Variants in CHST9 observed in about 807,000 individuals in gnomAD.
CHST9 encodes carbohydrate sulfotransferase 9.
Under a neutral mutation model 44.4 loss-of-function variants are expected in CHST9, and 41 were observed. The observed-to-expected ratio is 0.92, with a 90% CI of 0.72 to 1.20. The LOEUF (loss-of-function observed/expected upper bound fraction) is 1.20, where lower values mean the gene tolerates loss of function less well. Ranked by LOEUF, CHST9 falls within the 50% of genes most tolerant of loss-of-function variation. The pLI is 0.00. For missense variants in CHST9, 504 were observed against 516.5 expected (o/e 0.98, Z 0.23); for synonymous variants, 171 against 178.4 (o/e 0.96, Z 0.33).
chr18:27,125,332 T>C (rs1206935935), intron 2 of CHST9, among the ~76,000 whole-genome samples: 6 of 152,238 alleles, frequency 3.9e-5, no homozygotes, highest in African/African-American at 1.4e-4. Context: ...TTGTTTTTCA[T>C]TTGCAAACAA....
chr18:27,124,363 G>A (rs1282956135), intron 2 of CHST9, among the ~76,000 whole-genome samples: 1 of 152,188 alleles, frequency 6.6e-6, no homozygotes, highest in Non-Finnish European at 1.5e-5. Context: ...CCTACCTGTT[G>A]CTGTGAATGA....
intron 4 of CHST9, among the ~76,000 whole-genome samples, chr18:26,945,248 G>A (rs2056145425): frequency 2.0e-5 from 3 of 152,128 alleles, no homozygotes; most frequent in African/African-American, 7.2e-5. Flanking sequence ...ACATGTAGTT[G>A]TAAGAAATAA....
intron 5 of CHST9, chr18:26,932,948 G>A (rs904265823): frequency 6.5e-6 from 1 of 153,746 alleles, no homozygotes; most frequent in African/African-American, 2.4e-5. Flanking sequence ...CAAAATAACA[G>A]GTGTCATTCT....
At position 26,949,888 on chromosome 18, in the gene CHST9, A is replaced by G. The variant is rs62083759; in HGVS notation, c.203-5522T>C. ...GGTCGGAGTAATGCCATTGCTGAAG[A>G]GGGCTGTGAGCCAAGTACTGTGGGC... On this transcript the variant is annotated intron_variant, in intron 4 of 5. Coordinates refer to ENST00000618847, the MANE Select transcript of CHST9 (RefSeq NM_031422.6). Among the ~76,000 whole-genome samples, 1,505 of 152,328 alleles carry G rather than the reference A, an allele frequency of 9.9e-3. 17 individuals carry two copies. The highest frequency in any genetic ancestry group is 0.014 in the South Asian group (66 of 4,830).
intron 3 of CHST9, among the ~76,000 whole-genome samples, chr18:27,039,022 C>T (rs185437095): frequency 5.9e-5 from 9 of 152,126 alleles, no homozygotes; most frequent in African/African-American, 1.9e-4. Flanking sequence ...AAGAAAGCGA[C>T]AGAGTAAAAA....
At chr18:27,104,427 G>A (rs1474064960) in intron 2 of CHST9, among the ~76,000 whole-genome samples, 2 of 152,182 alleles carry the variant, frequency 1.3e-5, no homozygotes, top group East Asian at 3.9e-4. Flanking sequence ...TTTGTTTTCT[G>A]TGACTGGTGA....
Position 26,908,976 on chromosome 18 carries a change from A to G in CHST9, c.*7283T>C, listed in dbSNP as rs1489401917. On this transcript the variant is annotated 3_prime_UTR_variant, in exon 6 of 6. Coordinates refer to ENST00000618847, the MANE Select transcript of CHST9 (RefSeq NM_031422.6). The stretch of plus-strand genomic sequence containing the variant: ...TCTTCACTTGTTCAATGTGAAGTTG[A>G]GTTGCCAAAATTGCCTTCAGTACAC... 1.3e-5 allele frequency: 2 copies of G among 152,222 alleles called. No individual in the cohort carries two copies. Among genetic ancestry groups the G allele is most frequent in the Non-Finnish European group, 2.9e-5 (2 of 68,036 alleles). 9.4% of individuals were successfully genotyped at this position (152,222 alleles called of 1,614,324 possible). A position where few individuals can be genotyped will look rare whatever the true frequency, so the allele number is the denominator to read the frequency against.
At chr18:26,979,009 A>ATTTAT (rs539227117) in intron 4 of CHST9, among the ~76,000 whole-genome samples, 50 of 151,714 alleles carry the variant, frequency 3.3e-4, no homozygotes, top group African/African-American at 1.0e-3. Context: ...CGTTTTTTTT[A>ATTTAT]TTTATTTTAT....
rs1198842599 is a variant in CHST9, at chr18:27,053,218, GGAAGAAGAAGAAGAAGAAGAAGAA to G, written c.122-4739_122-4716del. Among the ~76,000 whole-genome samples the G allele has an allele frequency of 2.6e-3, 83 of 32,350 alleles. 1 individual carries two copies. Among genetic ancestry groups the G allele is most frequent in the Non-Finnish European group, 4.4e-3 (66 of 15,142 alleles). 21.2% of individuals were successfully genotyped at this position (32,350 alleles called of 152,430 possible). On this transcript the variant is annotated intron_variant, in intron 2 of 5. Coordinates refer to ENST00000618847, the MANE Select transcript of CHST9 (RefSeq NM_031422.6). ...AGAAAGAACAAGAAGAGGAGGAAGA[GGAAGAAGAAGAAGAAGAAGAAGAA>G]GAAGAAGAAGAAGAAGAAGGAGAAG...
At chr18:27,094,472 G>A (rs964767153) in intron 2 of CHST9, among the ~76,000 whole-genome samples, 1 of 152,152 alleles carries the variant, frequency 6.6e-6, no homozygotes, top group Non-Finnish European at 1.5e-5. Context: ...TTATGACTGA[G>A]TTCTCAAGTT....
At chr18:27,064,022 A>G (rs1211542647) in intron 2 of CHST9, among the ~76,000 whole-genome samples, 1 of 152,186 alleles carries the variant, frequency 6.6e-6, no homozygotes, top group Non-Finnish European at 1.5e-5. Context: ...GGTATCCTCC[A>G]GAATCCTGAA....
intron 4 of CHST9, among the ~76,000 whole-genome samples, chr18:26,961,783 A>C (rs1228680905): frequency 2.0e-5 from 3 of 152,220 alleles, no homozygotes; most frequent in Non-Finnish European, 4.4e-5. Flanking sequence ...CAATTTAAAG[A>C]GAACAATGTT....
intron 4 of CHST9, among the ~76,000 whole-genome samples, chr18:26,965,543 T>C (rs1444968875): frequency 3.9e-5 from 6 of 152,230 alleles, no homozygotes; most frequent in African/African-American, 1.4e-4. Context: ...GTCTGAGCGC[T>C]ACCACCATTA....
At chr18:27,042,598 A>C (rs983472757) in intron 3 of CHST9, among the ~76,000 whole-genome samples, 16 of 152,112 alleles carry the variant, frequency 1.1e-4, no homozygotes, top group African/African-American at 3.9e-4. Context: ...TAAAGCAAGT[A>C]ATTTAACCTT....
chr18:26,948,802 G>A (rs2056201416), intron 4 of CHST9, among the ~76,000 whole-genome samples: 1 of 152,204 alleles, frequency 6.6e-6, no homozygotes, highest in Non-Finnish European at 1.5e-5. Context: ...GCAGGTAAAG[G>A]ATAAGAGAGG....
At chr18:27,130,970 G>A (rs1255527880) in intron 2 of CHST9, among the ~76,000 whole-genome samples, 2 of 152,088 alleles carry the variant, frequency 1.3e-5, no homozygotes, top group Admixed American at 6.5e-5. Flanking sequence ...TTAGGATGGG[G>A]TTACCTCAGG....
Position 27,053,145 on chromosome 18 carries a change from A to AGAAGAAGAAGAAGAG in CHST9, c.122-4643_122-4642insCTCTTCTTCTTCTTC, listed in dbSNP as rs1482884140. 4.0e-3 allele frequency among the ~76,000 whole-genome samples: 506 copies of AGAAGAAGAAGAAGAG among 127,648 alleles called. 2 individuals are homozygous for AGAAGAAGAAGAAGAG. Among genetic ancestry groups the AGAAGAAGAAGAAGAG allele is most frequent in the Non-Finnish European group, 6.6e-3 (385 of 58,294 alleles). 83.7% of individuals were successfully genotyped at this position (127,648 alleles called of 152,430 possible). A position where few individuals can be genotyped will look rare whatever the true frequency, so the allele number is the denominator to read the frequency against. ...AGGAAGAAGAGGAAGAAGAAGAAGA[A>AGAAGAAGAAGAAGAG]GAAGAAGAAGAAGAAGAAGAAGAAG... is the stretch of plus-strand genomic sequence containing the variant. On this transcript the variant is annotated intron_variant, in intron 2 of 5. Coordinates refer to ENST00000618847, the MANE Select transcript of CHST9 (RefSeq NM_031422.6).
intron 2 of CHST9, among the ~76,000 whole-genome samples, chr18:27,102,685 G>C (rs2058185617): frequency 6.6e-6 from 1 of 152,132 alleles, no homozygotes; most frequent in Admixed American, 6.5e-5. Context: ...GGATGAGATT[G>C]GGTTCCTTTG....
rs1379255952 is a variant in CHST9, at chr18:26,917,193, A to G, written c.398T>C (p.Ile133Thr). The G allele has an allele frequency of 5.0e-6, 8 of 1,613,914 alleles. No individual in the cohort carries two copies. Among genetic ancestry groups the G allele is most frequent in the South Asian group, 1.1e-5 (1 of 91,072 alleles). Residue 133 changes from isoleucine (I) to threonine (T), a missense_variant, in exon 6 of 6, where the codon ATT becomes ACT. Transcript: ENST00000618847. The stretch of plus-strand genomic sequence containing the variant: ...AGTCTTAGCTCCTTGACGTTTTTCA[A>G]TCAACTTCTCTGTTGGTGACCCTGT... ...KSTGSPTEKL[I>T]EKRQGAKTVF...
Sources: allele counts gnomAD v4.1 joint callset (sites outside exome capture counted in the v4.1 genomes callset), GRCh38; gene constraint gnomAD v4.1.1; transcripts MANE v1.5; gene names NCBI Gene and HGNC (gene_info 2026-07-23, HGNC 2026-07-21).